POLR3H: variants seen among roughly 807,000 people sequenced by gnomAD.
POLR3H encodes RNA polymerase III subunit H, also known as DNA-directed RNA polymerase III subunit RPC8.
Under a neutral mutation model 25.5 loss-of-function variants are expected in POLR3H, and 17 were observed. The observed-to-expected ratio is 0.67, with a 90% CI of 0.46 to 1.00. POLR3H has a LOEUF of 1.00. Ranked by LOEUF, POLR3H falls within the 50% of genes least tolerant of loss-of-function variation. The pLI, the probability that POLR3H is intolerant of heterozygous loss-of-function variation, is 0.00. For synonymous variants in POLR3H, 129 were observed against 103.0 expected (o/e 1.25, Z -1.53); for missense variants, 274 against 265.0 (o/e 1.03, Z -0.24).
Position 41,528,536 on chromosome 22 carries a change from C to T in POLR3H, c.*747G>A, listed in dbSNP as rs1398237567. 2 of 1,613,188 alleles carry T rather than the reference C, an allele frequency of 1.2e-6. No homozygotes were observed. Among genetic ancestry groups the T allele is most frequent in the African/African-American group, 1.3e-5 (1 of 75,038 alleles). Reference sequence around the variant, plus strand: ...GACCCAGGAGACCATCCTCCTGAACCACACCTTCAACGAGACGCAGATTGA... The same window carrying T: ...GACCCAGGAGACCATCCTCCTGAACTACACCTTCAACGAGACGCAGATTGA... On this transcript the variant is annotated 3_prime_UTR_variant, in exon 6 of 6. Coordinates refer to ENST00000355209, the MANE Select transcript of POLR3H (RefSeq NM_001018050.4).
At position 41,527,620 on chromosome 22, in the gene POLR3H, C is replaced by T. The variant is rs926103597; in HGVS notation, c.*1663G>A. Reference sequence around the variant, plus strand: ...CCCGGCTTCCCGCAGGCCCTGCTTCCAGGCTTGTAGATCTGAGCCGCTGAG... The same window carrying T: ...CCCGGCTTCCCGCAGGCCCTGCTTCTAGGCTTGTAGATCTGAGCCGCTGAG... On this transcript the variant is annotated 3_prime_UTR_variant, in exon 6 of 6. Coordinates refer to ENST00000355209, the MANE Select transcript of POLR3H (RefSeq NM_001018050.4). 6.6e-5 allele frequency: 56 copies of T among 853,750 alleles called. No individual in the cohort carries two copies. In the African/African-American group the frequency reaches 8.7e-4, roughly 13 times the overall value. 52.9% of individuals were successfully genotyped at this position (853,750 alleles called of 1,614,324 possible). A position where few individuals can be genotyped will look rare whatever the true frequency, so the allele number is the denominator to read the frequency against.
In POLR3H at chr22:41,543,879, T is replaced by C. The variant is rs79669529; in HGVS notation, c.111+112A>G. 14,049 of 759,782 alleles carry C rather than the reference T, an allele frequency of 0.018. 1,153 individuals are homozygous for C. In the African/African-American group the frequency reaches 0.19, roughly 11 times the overall value. The allele number at this position is 759,782 out of a possible 1,614,324, so 47.1% of individuals were successfully genotyped here. A position where few individuals can be genotyped will look rare whatever the true frequency, so the allele number is the denominator to read the frequency against. On this transcript the variant is annotated intron_variant, in intron 1 of 5. Transcript: ENST00000355209. ...ACGGTGAAGAAAAGTTCTGAGACAT[T>C]AAGCTGCTTGCCCACGGCCAGGGCT...
At position 41,530,803 on chromosome 22, in the gene POLR3H, G is replaced by A. The variant is rs200605301; in HGVS notation, c.445C>T (p.Arg149Cys). 1.4e-4 allele frequency: 229 copies of A among 1,613,976 alleles called. No homozygotes were observed. Among genetic ancestry groups the A allele is most frequent in the Non-Finnish European group, 1.6e-4 (194 of 1,180,040 alleles). ...AAGCTCTCGTCCACCACCCGGAAGC[G>A]GATCTCCTCGCCGGTGTCCATGTAG... ...DLYMDTGEEI[R>C]FRVVDESFVD... The change falls in exon 5 of 6, where the codon CGC becomes TGC. Residue 149 changes from arginine to cysteine, a missense_variant. Transcript: ENST00000355209.
chr22:41,542,076 T>A (rs1193979261), intron 1 of POLR3H, among the ~76,000 whole-genome samples: 1 of 150,334 alleles, frequency 6.7e-6, no homozygotes, highest in Non-Finnish European at 1.5e-5. Context: ...ATGGTGGGTA[T>A]TTTACCCCTT....
Position 41,526,417 on chromosome 22 carries a change from G to A in POLR3H, c.*2866C>T. On this transcript the variant is annotated 3_prime_UTR_variant, in exon 6 of 6. Transcript: ENST00000355209. ...CCGTGCGCAATGCCGTCACTCAGGA[G>A]TTTGGCCCCGTCCCTGACACTGCCC... is the stretch of plus-strand genomic sequence containing the variant. The A allele has an allele frequency of 6.2e-7, 1 of 1,613,692 alleles. No individual in the cohort carries two copies. Among genetic ancestry groups the A allele is most frequent in the South Asian group, 1.1e-5 (1 of 91,048 alleles).
rs2066767311 is a variant in POLR3H, at chr22:41,532,826, T to G, written c.209-81A>C. ...TGTCACCCTCAGGTGCCAGCACACC[T>G]GGGGGCCTGTGTGGCTGCTCCATGC... On this transcript the variant is annotated intron_variant, in intron 2 of 5. Coordinates refer to ENST00000355209, the MANE Select transcript of POLR3H (RefSeq NM_001018050.4). 5 of 1,485,560 alleles carry G rather than the reference T, an allele frequency of 3.4e-6. No homozygotes were observed. The East Asian group carries it at 1.1e-4, about 34-fold the overall frequency. The allele number at this position is 1,485,560 out of a possible 1,614,324, so 92.0% of individuals were successfully genotyped here.
rs964197273 is a variant in POLR3H at position 41,544,278 on chromosome 22, C to A, written c.-177G>T. On this transcript the variant is annotated 5_prime_UTR_variant, in exon 1 of 6. It removes an upstream start codon present in the reference 5' UTR. Transcript: ENST00000355209. ...TCCGGGCCATGCTCCGCTACTACAA[C>A]ATGAGGAAACTGAGGCCAGAGGGAG... 4 of 560,700 alleles carry A rather than the reference C, an allele frequency of 7.1e-6. No individual in the cohort carries two copies. The highest frequency in any genetic ancestry group is 1.3e-5 in the Non-Finnish European group (4 of 314,106). The allele number at this position is 560,700 out of a possible 1,614,324, so 34.7% of individuals were successfully genotyped here.
chr22:41,542,009 C>T lies in POLR3H; in HGVS notation c.112-1214G>A, dbSNP rs145751784. Among the ~76,000 whole-genome samples, 1,059 of 152,098 alleles carry T rather than the reference C, an allele frequency of 7.0e-3. 5 individuals carry two copies. The highest frequency in any genetic ancestry group is 0.011 in the Non-Finnish European group (756 of 67,998). On this transcript the variant is annotated intron_variant, in intron 1 of 5. Transcript: ENST00000355209. The stretch of plus-strand genomic sequence containing the variant: ...ACAGGGCTGTGTGGCCTGGCCCCCA[C>T]CCACCTGTCCAGCCCACCCTCCCCT...
rs1449200341 is a variant in POLR3H at position 41,544,027 on chromosome 22, G to A, written c.75C>T (p.Ser25=). ...PWQFERKLND[S]IAEELNKKLA... ...ACTTCTTGTTCAGCTCCTCGGCAATGGAGTCGTTGAGCTTCCTCTCAAACT... is the reference window on the plus strand; with the variant it reads ...ACTTCTTGTTCAGCTCCTCGGCAATAGAGTCGTTGAGCTTCCTCTCAAACT... Residue 25 remains serine, a synonymous_variant, in exon 1 of 6, where the codon TCC becomes TCT. Transcript: ENST00000355209. 6.2e-7 allele frequency: 1 copy of A among 1,613,828 alleles called. No individual in the cohort carries two copies. The highest frequency in any genetic ancestry group is 1.6e-4 in the Middle Eastern group (1 of 6,062).
chr22:41,532,780 C>T (rs369657521), intron 2 of POLR3H, 35 bp from the exon 3 acceptor site: 28 of 1,605,266 alleles, frequency 1.7e-5, no homozygotes, highest in Non-Finnish European at 1.8e-5. Context: ...TGATGCTGAC[C>T]GGGGCCCCAG....
Position 41,540,760 on chromosome 22 carries a change from A to C in POLR3H, c.147T>G (p.Phe49Leu). ...AGGCATCCTCCAGTTTGGTGATATC[A>C]AACAGACAAATGCAGAGTCCCACGT... ...VYNVGLCICL[F>L]DITKLEDAYV... The change falls in exon 2 of 6, where the codon TTT becomes TTG. Residue 49 changes from phenylalanine (F) to leucine (L), a missense_variant. By Grantham distance (22) the Phe-to-Leu change is conservative. Coordinates refer to ENST00000355209, the MANE Select transcript of POLR3H (RefSeq NM_001018050.4). 1.9e-6 allele frequency: 3 copies of C among 1,614,166 alleles called. No individual in the cohort carries two copies. The highest frequency in any genetic ancestry group is 2.2e-5 in the South Asian group (2 of 91,088).
chr22:41,530,553 A>T, intron 5 of POLR3H, 134 bp downstream of exon 5: 1 of 805,278 alleles, frequency 1.2e-6, no homozygotes, highest in East Asian at 2.7e-5. Context: ...AGAAGTGACC[A>T]GCCAAGACCC....
chr22:41,544,408 C>A lies in POLR3H; in HGVS notation c.-307G>T. 4.3e-6 allele frequency: 1 copy of A among 230,904 alleles called. No individual in the cohort carries two copies. The highest frequency in any genetic ancestry group is 7.7e-6 in the Non-Finnish European group (1 of 130,130). 14.3% of individuals were successfully genotyped at this position (230,904 alleles called of 1,614,324 possible). On this transcript the variant is annotated 5_prime_UTR_variant, in exon 1 of 6. Transcript: ENST00000355209. ...CCACGCCCCGCACCCGCGCCACGTGCCGCCGCTCGTATCACGCACCACGCA... is the reference window on the plus strand; with the variant it reads ...CCACGCCCCGCACCCGCGCCACGTGACGCCGCTCGTATCACGCACCACGCA...
chr22:41,532,793 C>A, intron 2 of POLR3H, 48 bp from the exon 3 acceptor site: 2 of 1,593,538 alleles, frequency 1.3e-6, no homozygotes, highest in South Asian at 1.1e-5. Context: ...GGCCCCAGTG[C>A]GCTCCCATGT....
At chr22:41,535,304 CTT>C (rs1489759938) in intron 2 of POLR3H, among the ~76,000 whole-genome samples, 2 of 152,122 alleles carry the variant, frequency 1.3e-5, no homozygotes, top group African/African-American at 4.8e-5. Context: ...TTGCACAACT[CTT>C]AATATACAAA....
chr22:41,544,230 A>G lies in POLR3H; in HGVS notation c.-129T>C, dbSNP rs1282356741. The G allele has an allele frequency of 1.6e-6, 1 of 611,520 alleles. No homozygotes were observed. Among genetic ancestry groups the G allele is most frequent in the Admixed American group, 3.0e-5 (1 of 33,148 alleles). 37.9% of individuals were successfully genotyped at this position (611,520 alleles called of 1,614,324 possible). ...GCCCCCAGGCTGGCGGTGAGGTTGC[A>G]CGGGGCGGTCTCGGGGGCCCGGTCC... On this transcript the variant is annotated 5_prime_UTR_variant, in exon 1 of 6. Transcript: ENST00000355209.
chr22:41,528,372 G>GGT lies in POLR3H; in HGVS notation c.*910_*911insAC. 1.3e-6 allele frequency: 2 copies of GGT among 1,483,688 alleles called. No homozygotes were observed. Among genetic ancestry groups the GGT allele is most frequent in the Non-Finnish European group, 1.8e-6 (2 of 1,107,438 alleles). The allele number at this position is 1,483,688 out of a possible 1,614,324, so 91.9% of individuals were successfully genotyped here. The stretch of plus-strand genomic sequence containing the variant: ...GACTGGCCTAGGATTTGGTTTGCCT[G>GGT]CTGACCTCTTAGGTCCCCAGGCAGT... On this transcript the variant is annotated 3_prime_UTR_variant, in exon 6 of 6. Coordinates refer to ENST00000355209, the MANE Select transcript of POLR3H (RefSeq NM_001018050.4).
intron 2 of POLR3H, chr22:41,540,241 T>A (rs920615256): frequency 3.6e-6 from 1 of 275,282 alleles, no homozygotes; most frequent in African/African-American, 2.2e-5. Flanking sequence ...GCCCGAGGAA[T>A]GGACAAGGTG....
intron 1 of POLR3H, 150 bp from the exon 2 acceptor site, chr22:41,540,945 G>C (rs2066919683): frequency 3.2e-6 from 2 of 633,646 alleles, no homozygotes; most frequent in South Asian, 3.8e-5. Context: ...AGGGGACCAG[G>C]GTAAGGAACC....
Sources: gnomAD v4.1 joint callset for allele counts (sites outside exome capture counted in the v4.1 genomes callset) on GRCh38, gnomAD v4.1.1 for gene constraint, MANE v1.5 for transcripts, NCBI Gene and HGNC (gene_info 2026-07-23, HGNC 2026-07-21) for gene names.